ZNF536: variants seen among roughly 807,000 people sequenced by gnomAD.
The protein encoded by ZNF536 is zinc finger protein 536.
A neutral mutation model predicts 84.5 loss-of-function variants in ZNF536; 13 were observed. The observed-to-expected ratio is 0.15, with a 90% confidence interval of 0.10 to 0.24. ZNF536 has a LOEUF of 0.24. ZNF536 is among the 10% of genes least tolerant of loss of function. The pLI is 1.00. For missense variants in ZNF536, 1,536 were observed against 1,747.5 expected (o/e 0.88, Z 2.16); for synonymous variants, 811 against 742.5 (o/e 1.09, Z -1.50).
chr19:30,677,437 G>T (rs558929121), intron 1 of ZNF536, among the ~76,000 whole-genome samples: 1 of 152,218 alleles, frequency 6.6e-6, no homozygotes, highest in African/African-American at 2.4e-5. Context: ...CAAGGACAGG[G>T]CCCTGGCCAC....
At chr19:30,320,279 C>T (rs1201741524) in intron 2 of ZNF536, among the ~76,000 whole-genome samples, 1 of 152,008 alleles carries the variant, frequency 6.6e-6, no homozygotes, top group Non-Finnish European at 1.5e-5. Context: ...CCTGATAAAT[C>T]GTATAGAAAT....
chr19:30,543,110 C>T (rs770034712), intron 3 of ZNF536, among the ~76,000 whole-genome samples: 2 of 152,168 alleles, frequency 1.3e-5, no homozygotes, highest in East Asian at 1.9e-4. Flanking sequence ...CATGCCTGGC[C>T]GAGACTTTTC....
intron 1 of ZNF536, among the ~76,000 whole-genome samples, chr19:30,265,404 C>T (rs2025459656): frequency 6.6e-6 from 1 of 152,192 alleles, no homozygotes; most frequent in Non-Finnish European, 1.5e-5. Context: ...AGGGACCTTT[C>T]CTTCTGCAGG....
chr19:30,279,842 C>T (rs933132068), intron 1 of ZNF536, among the ~76,000 whole-genome samples: 27 of 152,288 alleles, frequency 1.8e-4, no homozygotes, highest in Middle Eastern at 3.4e-3. Context: ...GGCAGAGGGC[C>T]GAAGGAGCCG....
At chr19:30,297,667 C>T (rs528136131) in intron 2 of ZNF536, among the ~76,000 whole-genome samples, 1 of 152,168 alleles carries the variant, frequency 6.6e-6, no homozygotes, top group African/African-American at 2.4e-5. Flanking sequence ...GAAATGATGG[C>T]CGCTCGAGTA....
chr19:30,546,197 T>C (rs1220819732), intron 3 of ZNF536, among the ~76,000 whole-genome samples: 1 of 152,194 alleles, frequency 6.6e-6, no homozygotes, highest in Non-Finnish European at 1.5e-5. Flanking sequence ...TAGCAGTAGC[T>C]CAATGAGTCT....
chr19:30,322,054 G>A (rs777443301), intron 2 of ZNF536, among the ~76,000 whole-genome samples: 4 of 152,092 alleles, frequency 2.6e-5, no homozygotes, highest in African/African-American at 4.8e-5. Flanking sequence ...GATTACAGGC[G>A]TGAGCCACCA....
intron 2 of ZNF536, among the ~76,000 whole-genome samples, chr19:30,508,729 C>A (rs1417772673): frequency 6.6e-6 from 1 of 151,998 alleles, no homozygotes; most frequent in Non-Finnish European, 1.5e-5. Context: ...ACCACACCAA[C>A]CAGGAAATTA....
rs550094902 is a variant in ZNF536, at chr19:30,291,614, C to T, written c.-120+7473C>T. ...CTCTTAATTCTTTTGGGTGGAATTG[C>T]GGGATCTATGGTAATTCCATGTTTA... is the stretch of plus-strand genomic sequence containing the variant. On this transcript the variant is annotated intron_variant, in intron 2 of 5. Transcript: ENST00000585628. Among the ~76,000 whole-genome samples, 67 of 152,234 alleles carry T rather than the reference C, an allele frequency of 4.4e-4. 1 individual carries two copies. Among genetic ancestry groups the T allele is most frequent in the African/African-American group, 9.9e-4 (41 of 41,554 alleles).
chr19:30,347,012 T>G (rs547850716), intron 2 of ZNF536, among the ~76,000 whole-genome samples: 2 of 152,300 alleles, frequency 1.3e-5, no homozygotes, highest in East Asian at 3.9e-4. Flanking sequence ...CATCTGTTAT[T>G]TTTTGACGTT....
At chr19:30,535,674 A>T (rs1304949328) in intron 3 of ZNF536, among the ~76,000 whole-genome samples, 1 of 151,940 alleles carries the variant, frequency 6.6e-6, no homozygotes, top group Non-Finnish European at 1.5e-5. Flanking sequence ...TGTGTCCCTC[A>T]GTCACCGTCC....
At chr19:30,675,613 T>C (rs1778332547) in intron 1 of ZNF536, among the ~76,000 whole-genome samples, 1 of 152,216 alleles carries the variant, frequency 6.6e-6, no homozygotes, top group Admixed American at 6.5e-5. Context: ...GCTGCATGCC[T>C]TGAAATCTCA....
chr19:30,446,266 A>AAAAAAAG (rs2052336548), intron 2 of ZNF536, among the ~76,000 whole-genome samples: 1 of 150,024 alleles, frequency 6.7e-6, no homozygotes, highest in Admixed American at 6.6e-5. Context: ...AAAAAAAAAA[A>AAAAAAAG]AAAAAAAAGA....
chr19:30,678,986 T>A (rs2050863278), intron 1 of ZNF536, among the ~76,000 whole-genome samples: 1 of 152,046 alleles, frequency 6.6e-6, no homozygotes, highest in Non-Finnish European at 1.5e-5. Flanking sequence ...GTTACATAGA[T>A]GACAAGTCCC....
At chr19:30,234,787 C>T (rs1241029152) in intron 1 of ZNF536, among the ~76,000 whole-genome samples, 1 of 151,512 alleles carries the variant, frequency 6.6e-6, no homozygotes, top group Non-Finnish European at 1.5e-5. Context: ...GCACACGCAC[C>T]CCACACCACG....
chr19:30,655,429 C>G (rs1231998264), intron 1 of ZNF536, among the ~76,000 whole-genome samples: 1 of 152,130 alleles, frequency 6.6e-6, no homozygotes, highest in Non-Finnish European at 1.5e-5. Context: ...TACTGAGAAC[C>G]CAGCATGCTG....
chr19:30,271,664 C>A lies in ZNF536; in HGVS notation c.-189-12408C>A, dbSNP rs1250666266. On this transcript the variant is annotated intron_variant, in intron 1 of 5. Transcript: ENST00000585628. ...GGCTCATGTCCATTTTCACACTTCT[C>A]TCTGGTCTCTCATACATCACAGCAC... Among the ~76,000 whole-genome samples, 3 of 152,188 alleles carry A rather than the reference C, an allele frequency of 2.0e-5. No individual in the cohort carries two copies. In the East Asian group the frequency reaches 5.8e-4, roughly 29 times the overall value.
chr19:30,610,503 C>A (rs990527167), intron 1 of ZNF536, among the ~76,000 whole-genome samples: 1 of 152,136 alleles, frequency 6.6e-6, no homozygotes, highest in Non-Finnish European at 1.5e-5. Context: ...TTTTAGGACT[C>A]CCCATTGGGC....
chr19:30,344,440 C>CAAAAAAA (rs10628847), intron 2 of ZNF536, among the ~76,000 whole-genome samples: 12 of 69,148 alleles, frequency 1.7e-4, no homozygotes, highest in East Asian at 1.0e-3. Context: ...AACTCCATCT[C>CAAAAAAA]AAAAAAAAAA....
Sources: allele counts gnomAD v4.1 joint callset (sites outside exome capture counted in the v4.1 genomes callset), GRCh38; gene constraint gnomAD v4.1.1; transcripts MANE v1.5; gene names NCBI Gene and HGNC (gene_info 2026-07-23, HGNC 2026-07-21).